The following PLEKHF2 variants were observed in gnomAD, a reference collection of about 807,000 sequenced individuals.
PLEKHF2 encodes the protein pleckstrin homology and FYVE domain containing 2, also known as pleckstrin homology domain-containing family F member 2.
PLEKHF2 carries 4 observed loss-of-function variants against 14.7 expected under a neutral mutation model. That is an observed-to-expected ratio of 0.27 (90% CI 0.13 to 0.62). The LOEUF is 0.62. Ranked by LOEUF, PLEKHF2 falls within the 20% of genes least tolerant of loss-of-function variation. The probability of loss-of-function intolerance (pLI) is 0.85; values close to 1 mark genes in which losing one functional copy is unlikely to be tolerated. For missense variants in PLEKHF2, 201 were observed against 307.7 expected, an observed-to-expected ratio of 0.65 and a Z score of 2.60; for synonymous variants, 90 against 103.5, an observed-to-expected ratio of 0.87 and a Z score of 0.79.
chr8:95,141,266 T>A (rs975689601), intron 1 of PLEKHF2, among the ~76,000 whole-genome samples: 1 of 152,232 alleles, frequency 6.6e-6, no homozygotes. Context: ...TATTTTCCTA[T>A]TGTAAGCTTC....
chr8:95,146,764 T>C (rs1810504891), intron 1 of PLEKHF2, among the ~76,000 whole-genome samples: 1 of 151,954 alleles, frequency 6.6e-6, no homozygotes, highest in Admixed American at 6.5e-5. Flanking sequence ...TTTTACGTTT[T>C]AACTGTGAAT....
chr8:95,154,124 A>G lies in PLEKHF2; in HGVS notation c.80A>G (p.Gln27Arg), dbSNP rs762688804. The G allele has an allele frequency of 1.5e-5, 24 of 1,613,872 alleles. No homozygotes were observed. The South Asian group carries it at 2.0e-4, about 13-fold the overall frequency. The change falls in exon 2 of 2, where the codon CAA becomes CGA. Residue 27 changes from glutamine (Q) to arginine (R), a missense_variant. Physicochemically the swap from Gln to Arg is conservative, Grantham distance 43. Transcript: ENST00000315367. The surrounding 1 kb of genome is among the most constrained non-coding windows in gnomAD (Gnocchi z 5.6). Reference protein sequence around the residue: ...IVENCFGAAGQPLTIPGRVLI... With the variant: ...IVENCFGAAGRPLTIPGRVLI... ...GAAAACTGTTTTGGAGCAGCTGGTC[A>G]ACCTTTAACTATACCTGGACGAGTT...
At chr8:95,151,862 A>G (rs1020573629) in intron 1 of PLEKHF2, among the ~76,000 whole-genome samples, 1 of 152,104 alleles carries the variant, frequency 6.6e-6, no homozygotes, top group African/African-American at 2.4e-5. Context: ...CATTGTTGAT[A>G]GTATAGTATA....
At position 95,155,099 on chromosome 8, in the gene PLEKHF2, C is replaced by T. The variant is rs574301887; in HGVS notation, c.*305C>T. On this transcript the variant is annotated 3_prime_UTR_variant, in exon 2 of 2. Transcript: ENST00000315367. ...GTTTGTTTTAACAGGTCATGTACTA[C>T]GTTGTTGTTTTCATTTCTGTTATAA... 10 of 286,142 alleles carry T rather than the reference C, an allele frequency of 3.5e-5. No homozygotes were observed. The highest frequency in any genetic ancestry group is 1.7e-4 in the African/African-American group (8 of 46,062). The allele number at this position is 286,142 out of a possible 1,614,324, so 17.7% of individuals were successfully genotyped here.
chr8:95,145,068 TTTTTC>T (rs1810481900), intron 1 of PLEKHF2, among the ~76,000 whole-genome samples: 1 of 152,140 alleles, frequency 6.6e-6, no homozygotes. Context: ...TAACTTCCTT[TTTTTC>T]TTTCTTGGCT....
intron 1 of PLEKHF2, among the ~76,000 whole-genome samples, chr8:95,143,186 G>A (rs1384277626): frequency 6.0e-5 from 9 of 149,542 alleles, no homozygotes; most frequent in African/African-American, 5.0e-5. Context: ...TGCAAGCTCC[G>A]CCTCCTGGGT....
intron 1 of PLEKHF2, among the ~76,000 whole-genome samples, chr8:95,139,577 A>G (rs1442716460): frequency 1.3e-5 from 2 of 151,314 alleles, no homozygotes; most frequent in Non-Finnish European, 2.9e-5. Context: ...ATGAAGTTTT[A>G]AAAGTTTAGG....
chr8:95,152,534 A>G (rs190427034), intron 1 of PLEKHF2, among the ~76,000 whole-genome samples: 172 of 152,178 alleles, frequency 1.1e-3, no homozygotes, highest in African/African-American at 3.8e-3. Flanking sequence ...TTTCCTGTTT[A>G]TTAGCCGTTT....
At chr8:95,147,228 A>G (rs375812177) in intron 1 of PLEKHF2, among the ~76,000 whole-genome samples, 67 of 152,156 alleles carry the variant, frequency 4.4e-4, no homozygotes, top group Middle Eastern at 6.8e-3. Context: ...ACATGTTACA[A>G]TTATCTGAGG....
At position 95,154,440 on chromosome 8, in the gene PLEKHF2, T is replaced by A. The variant is rs111601825; in HGVS notation, c.396T>A (p.Asp132Glu). 2 of 1,613,934 alleles carry A rather than the reference T, an allele frequency of 1.2e-6. No individual in the cohort carries two copies. Among genetic ancestry groups the A allele is most frequent in the Admixed American group, 1.7e-5 (1 of 59,982 alleles). ...WMNHINKCVT[D>E]LLSKSGKTPS... ...ATCATATAAATAAATGTGTTACTGA[T>A]TTACTCTCCAAAAGTGGGAAGACAC... The change falls in exon 2 of 2, where the codon GAT becomes GAA. Residue 132 changes from aspartate (D) to glutamate (E), a missense_variant. Physicochemically the swap from Asp to Glu is conservative, Grantham distance 45. Coordinates refer to ENST00000315367, the MANE Select transcript of PLEKHF2 (RefSeq NM_024613.4). The surrounding 1 kb of genome is among the most constrained non-coding windows in gnomAD (Gnocchi z 5.6).
At chr8:95,140,099 C>T (rs1332560024) in intron 1 of PLEKHF2, among the ~76,000 whole-genome samples, 2 of 152,140 alleles carry the variant, frequency 1.3e-5, no homozygotes, top group African/African-American at 2.4e-5. Context: ...ATCTCTGTCC[C>T]GCAGATGTGT....
At chr8:95,152,452 T>G (rs1265764843) in intron 1 of PLEKHF2, among the ~76,000 whole-genome samples, 1 of 152,110 alleles carries the variant, frequency 6.6e-6, no homozygotes, top group Non-Finnish European at 1.5e-5. Context: ...TTAAAAATTT[T>G]TATTAATCTA....
chr8:95,134,872 A>C lies in PLEKHF2; in HGVS notation c.-15+842A>C, dbSNP rs559937389. Reference sequence around the variant, plus strand: ...GTTGCTGAAGAGACTCATTAAAGAAAGATTTAGACAGAAACTTTGAGAGTC... The same window carrying C: ...GTTGCTGAAGAGACTCATTAAAGAACGATTTAGACAGAAACTTTGAGAGTC... On this transcript the variant is annotated intron_variant, in intron 1 of 1. Transcript: ENST00000315367. Among the ~76,000 whole-genome samples, 17 of 152,190 alleles carry C rather than the reference A, an allele frequency of 1.1e-4. 1 individual carries two copies. Among genetic ancestry groups the C allele is most frequent in the Non-Finnish European group, 2.5e-4 (17 of 68,032 alleles).
At chr8:95,138,112 C>T (rs1195382690) in intron 1 of PLEKHF2, among the ~76,000 whole-genome samples, 1 of 152,090 alleles carries the variant, frequency 6.6e-6, no homozygotes, top group African/African-American at 2.4e-5. Flanking sequence ...TACACTCTCC[C>T]CCAAAGTCAC....
At chr8:95,138,940 A>G (rs1358485861) in intron 1 of PLEKHF2, among the ~76,000 whole-genome samples, 1 of 152,234 alleles carries the variant, frequency 6.6e-6, no homozygotes, top group East Asian at 1.9e-4. Context: ...ATTGTTGTAT[A>G]AACTTTCTAA....
rs879898091 is a variant in PLEKHF2 at position 95,145,440 on chromosome 8, C to CT, written c.-14-8578dup. On this transcript the variant is annotated intron_variant, in intron 1 of 1. Coordinates refer to ENST00000315367, the MANE Select transcript of PLEKHF2 (RefSeq NM_024613.4). ...CAATTTACTAAATTTTGAAATATTT[C>CT]TTTTTTTTTTTTTCTTTGAGATGGA... Among the ~76,000 whole-genome samples the CT allele has an allele frequency of 2.0e-3, 284 of 145,028 alleles. 1 individual carries two copies. Among genetic ancestry groups the CT allele is most frequent in the African/African-American group, 3.7e-3 (147 of 39,866 alleles).
intron 1 of PLEKHF2, among the ~76,000 whole-genome samples, chr8:95,153,224 G>A (rs1810580921): frequency 6.6e-6 from 1 of 152,056 alleles, no homozygotes; most frequent in Admixed American, 6.6e-5. Flanking sequence ...AGTCTAGCAT[G>A]GGAGTTTAAA....
chr8:95,144,695 T>C (rs1159287722), intron 1 of PLEKHF2, among the ~76,000 whole-genome samples: 1 of 151,894 alleles, frequency 6.6e-6, no homozygotes, highest in Non-Finnish European at 1.5e-5. Flanking sequence ...GATGAAACCT[T>C]GTCTCTACTA....
chr8:95,152,173 C>T (rs1184223657), intron 1 of PLEKHF2, among the ~76,000 whole-genome samples: 1 of 152,034 alleles, frequency 6.6e-6, no homozygotes, highest in African/African-American at 2.4e-5. Context: ...TTGAGCATTT[C>T]CCTTGTCACT....
Sources: allele counts gnomAD v4.1 joint callset (sites outside exome capture counted in the v4.1 genomes callset), GRCh38; gene constraint gnomAD v4.1.1; non-coding constraint Gnocchi (gnomAD v3.1); transcripts MANE v1.5; gene names NCBI Gene and HGNC (gene_info 2026-07-23, HGNC 2026-07-21).